SBF2: variants seen among roughly 807,000 people sequenced by gnomAD.
SBF2 encodes the protein myotubularin-related protein 13.
A neutral mutation model predicts 225.2 loss-of-function variants in SBF2; 112 were observed. That is an observed-to-expected ratio of 0.50 (90% confidence interval 0.43 to 0.58). The LOEUF is 0.58. Ranked by LOEUF, SBF2 falls within the 20% of genes least tolerant of loss-of-function variation. The pLI is 0.00. For missense variants in SBF2, 1,996 were observed against 2,206.2 expected (o/e 0.90, Z 1.91); for synonymous variants, 763 against 773.3 (o/e 0.99, Z 0.22).
intron 3 of SBF2, among the ~76,000 whole-genome samples, chr11:10,037,074 T>C (rs1011994532): frequency 6.6e-6 from 1 of 152,162 alleles, no homozygotes; most frequent in Non-Finnish European, 1.5e-5. Flanking sequence ...AGTGACAGTT[T>C]TTCCCTACAA....
At chr11:9,888,510 A>T (rs1337012989) in intron 17 of SBF2, among the ~76,000 whole-genome samples, 1 of 151,866 alleles carries the variant, frequency 6.6e-6, no homozygotes, top group East Asian at 1.9e-4. Flanking sequence ...GTCTCAAAAA[A>T]AAAAAAGAGA....
chr11:10,204,047 A>C (rs2135362508), intron 1 of SBF2, among the ~76,000 whole-genome samples: 1 of 152,156 alleles, frequency 6.6e-6, no homozygotes, highest in South Asian at 2.1e-4. Flanking sequence ...TCAAATCCCA[A>C]ACACGAAGAA....
intron 2 of SBF2, among the ~76,000 whole-genome samples, chr11:10,187,387 G>A (rs183047794): frequency 6.6e-6 from 1 of 151,922 alleles, no homozygotes; most frequent in Non-Finnish European, 1.5e-5. Flanking sequence ...CTGAAAGCAT[G>A]TCCACTTGGC....
chr11:10,213,993 G>A (rs1958034267), intron 1 of SBF2, among the ~76,000 whole-genome samples: 1 of 152,304 alleles, frequency 6.6e-6, no homozygotes, highest in African/African-American at 2.4e-5. Context: ...TAAGACAAAA[G>A]ACTCTTTTAA....
At chr11:10,281,910 A>C (rs751619818) in intron 1 of SBF2, among the ~76,000 whole-genome samples, 4 of 152,186 alleles carry the variant, frequency 2.6e-5, no homozygotes, top group Admixed American at 6.5e-5. Flanking sequence ...GCAATTTTGA[A>C]GTTGCCTCTG....
At chr11:9,799,666 T>G (rs1210717442) in intron 32 of SBF2, among the ~76,000 whole-genome samples, 1 of 152,232 alleles carries the variant, frequency 6.6e-6, no homozygotes, top group Non-Finnish European at 1.5e-5. Context: ...TTCTGAGATG[T>G]CTTTCTTCCA....
chr11:10,162,750 A>C (rs1955807512), intron 2 of SBF2, among the ~76,000 whole-genome samples: 1 of 152,188 alleles, frequency 6.6e-6, no homozygotes, highest in Non-Finnish European at 1.5e-5. Context: ...GGATATGCAT[A>C]ATTTATTTAA....
chr11:10,028,415 C>G (rs1040198896), intron 6 of SBF2, 37 bp downstream of exon 6: 13 of 1,271,718 alleles, frequency 1.0e-5, no homozygotes, highest in Admixed American at 1.0e-4. Context: ...TCATAGGCTT[C>G]TACAAGATGA....
chr11:10,078,030 T>C (rs539856612), intron 2 of SBF2, among the ~76,000 whole-genome samples: 2 of 152,050 alleles, frequency 1.3e-5, no homozygotes, highest in Admixed American at 6.5e-5. Flanking sequence ...AACAAACTTA[T>C]GAAAAAATGC....
chr11:10,168,664 T>G (rs12270278), intron 2 of SBF2, among the ~76,000 whole-genome samples: 3 of 152,212 alleles, frequency 2.0e-5, no homozygotes, highest in Admixed American at 1.3e-4. Context: ...CTGTAGTTAA[T>G]AGAATGAGTG....
At chr11:10,166,452 C>G (rs1275340916) in intron 2 of SBF2, among the ~76,000 whole-genome samples, 1 of 151,870 alleles carries the variant, frequency 6.6e-6, no homozygotes, top group Non-Finnish European at 1.5e-5. Flanking sequence ...CGGGGGTGGG[C>G]AGGGGAAGGG....
At chr11:9,890,604 GT>G (rs1276371205) in intron 17 of SBF2, among the ~76,000 whole-genome samples, 3 of 152,252 alleles carry the variant, frequency 2.0e-5, no homozygotes, top group African/African-American at 7.2e-5. Context: ...GGTGAATAGG[GT>G]ATTTATTTTT....
chr11:10,124,428 C>A (rs1354091364), intron 2 of SBF2, among the ~76,000 whole-genome samples: 1 of 152,142 alleles, frequency 6.6e-6, no homozygotes, highest in African/African-American at 2.4e-5. Context: ...CGTTTTATAA[C>A]TTTTTAGAAA....
chr11:10,185,872 C>CAT (rs933710053), intron 2 of SBF2, among the ~76,000 whole-genome samples: 1 of 152,050 alleles, frequency 6.6e-6, no homozygotes, highest in African/African-American at 2.4e-5. Flanking sequence ...CATACATACA[C>CAT]ATATATATAA....
chr11:9,809,542 A>C, intron 30 of SBF2, among the ~76,000 whole-genome samples: 1 of 134,494 alleles, frequency 7.4e-6, no homozygotes. Context: ...TTTGTTTCAG[A>C]CATTTTTTTT....
At position 9,829,472 on chromosome 11, in the gene SBF2, G is replaced by C; in HGVS notation, c.3677C>G (p.Ser1226Cys). ...GTATTTCTCTTGTTCTATGCTACTG[G>C]AAGATTCTAAAGAGGAGGTAGGAGC... is the stretch of plus-strand genomic sequence containing the variant. ...QAAPTSSLES[S>C]SSIEQEKYLQ... is the part of the protein sequence containing the mutation. Residue 1226 changes from serine (S) to cysteine (C), a missense_variant, in exon 28 of 40, where the codon TCC becomes TGC. Coordinates refer to ENST00000256190, the MANE Select transcript of SBF2 (RefSeq NM_030962.4). The C allele has an allele frequency of 6.2e-7, 1 of 1,612,582 alleles. No homozygotes were observed. The highest frequency in any genetic ancestry group is 8.5e-7 in the Non-Finnish European group (1 of 1,178,612).
At chr11:10,286,091 G>C (rs1374319206) in intron 1 of SBF2, among the ~76,000 whole-genome samples, 2 of 151,914 alleles carry the variant, frequency 1.3e-5, no homozygotes, top group Non-Finnish European at 2.9e-5. Flanking sequence ...GCCTCCCATA[G>C]TGATGGGATT....
rs1482647269 is a variant in SBF2 at position 9,878,800 on chromosome 11, C to T, written c.1929+17143G>A. On this transcript the variant is annotated intron_variant, in intron 17 of 39. Coordinates refer to ENST00000256190, the MANE Select transcript of SBF2 (RefSeq NM_030962.4). The stretch of plus-strand genomic sequence containing the variant: ...TAATAAAACCAGCTAACTCCACAGT[C>T]ATTCAAGATGGCTCTCTGACTTCTT... 5.9e-5 allele frequency among the ~76,000 whole-genome samples: 9 copies of T among 152,312 alleles called. No homozygotes were observed. The South Asian group carries it at 8.3e-4, about 14-fold the overall frequency.
chr11:10,230,177 A>G lies in SBF2; in HGVS notation c.56-36190T>C, dbSNP rs548613472. Reference sequence around the variant, plus strand: ...TTTCCGTTTGCTTGGTAGATCTTCCATCCCTTTATTTTGAGCCTATGTGTG... The same window carrying G: ...TTTCCGTTTGCTTGGTAGATCTTCCGTCCCTTTATTTTGAGCCTATGTGTG... On this transcript the variant is annotated intron_variant, in intron 1 of 39. Coordinates refer to ENST00000256190, the MANE Select transcript of SBF2 (RefSeq NM_030962.4). 2.6e-5 allele frequency among the ~76,000 whole-genome samples: 4 copies of G among 151,776 alleles called. No individual in the cohort carries two copies. The South Asian group carries it at 8.3e-4, about 32-fold the overall frequency.
Sources: gnomAD v4.1 joint callset for allele counts (sites outside exome capture counted in the v4.1 genomes callset) on GRCh38, gnomAD v4.1.1 for gene constraint, MANE v1.5 for transcripts, NCBI Gene and HGNC (gene_info 2026-07-23, HGNC 2026-07-21) for gene names.